Variants in NKAIN3 observed in about 807,000 individuals in gnomAD.
The protein encoded by NKAIN3 is sodium/potassium-transporting ATPase subunit beta-1-interacting protein 3.
NKAIN3 carries 25 observed loss-of-function variants against 30.2 expected under a neutral mutation model. The observed-to-expected ratio is 0.83, with a 90% CI of 0.60 to 1.16. NKAIN3 has a LOEUF of 1.16. Among genes scored for constraint, NKAIN3 ranks in the 50% most tolerant of loss-of-function variants. The probability of loss-of-function intolerance (pLI) is 0.00; values close to 1 mark genes in which losing one functional copy is unlikely to be tolerated. For synonymous variants in NKAIN3, 91 were observed against 89.6 expected (o/e 1.02, Z -0.09); for missense variants, 225 against 254.1 (o/e 0.89, Z 0.78).
At chr8:62,633,257 A>G (rs1218852400) in intron 3 of NKAIN3, among the ~76,000 whole-genome samples, 2 of 152,158 alleles carry the variant, frequency 1.3e-5, no homozygotes, top group Non-Finnish European at 2.9e-5. Context: ...GGAAAATAAA[A>G]CTAGTTTTGA....
chr8:62,788,365 G>T (rs547928245), intron 4 of NKAIN3, among the ~76,000 whole-genome samples: 3 of 151,964 alleles, frequency 2.0e-5, no homozygotes, highest in Non-Finnish European at 4.4e-5. Flanking sequence ...CATATCCTTC[G>T]CCCACTTTTT....
chr8:62,843,417 A>G (rs1819587584), intron 4 of NKAIN3, among the ~76,000 whole-genome samples: 1 of 151,600 alleles, frequency 6.6e-6, no homozygotes, highest in South Asian at 2.1e-4. Flanking sequence ...ACTCACTGCA[A>G]CCTCCACCTC....
intron 1 of NKAIN3, among the ~76,000 whole-genome samples, chr8:62,389,469 G>C (rs912729326): frequency 2.6e-5 from 4 of 152,152 alleles, no homozygotes; most frequent in African/African-American, 9.7e-5. Context: ...TCTGTGTCTG[G>C]CCATCTCAGG....
At chr8:62,650,917 T>C (rs1812602134) in intron 3 of NKAIN3, among the ~76,000 whole-genome samples, 1 of 152,186 alleles carries the variant, frequency 6.6e-6, no homozygotes, top group Admixed American at 6.5e-5. Flanking sequence ...TTATGTTGGC[T>C]GAAATAATAT....
intron 1 of NKAIN3, among the ~76,000 whole-genome samples, chr8:62,576,580 A>C (rs1488600031): frequency 1.3e-5 from 2 of 152,272 alleles, no homozygotes; most frequent in Non-Finnish European, 2.9e-5. Flanking sequence ...TGCCATATTC[A>C]GTGGTGTGCA....
At chr8:62,416,518 A>G (rs747743831) in intron 1 of NKAIN3, among the ~76,000 whole-genome samples, 2 of 152,296 alleles carry the variant, frequency 1.3e-5, no homozygotes, top group Non-Finnish European at 2.9e-5. Context: ...TGAATTTTGA[A>G]TTTTAATTTT....
At chr8:62,405,549 A>C (rs964871745) in intron 1 of NKAIN3, among the ~76,000 whole-genome samples, 1 of 152,200 alleles carries the variant, frequency 6.6e-6, no homozygotes, top group Non-Finnish European at 1.5e-5. Flanking sequence ...AGAAGCACTG[A>C]GTTCCAATTC....
At chr8:62,318,059 C>A (rs1023299850) in intron 1 of NKAIN3, among the ~76,000 whole-genome samples, 14 of 152,254 alleles carry the variant, frequency 9.2e-5, no homozygotes, top group African/African-American at 3.4e-4. Context: ...GGAATTTACT[C>A]ATGATTTGGC....
chr8:62,308,867 C>CT (rs1217457217), intron 1 of NKAIN3, among the ~76,000 whole-genome samples: 1 of 150,194 alleles, frequency 6.7e-6, no homozygotes, highest in Non-Finnish European at 1.5e-5. Context: ...GAAGGGCTGC[C>CT]TGTACAACTC....
intron 2 of NKAIN3, among the ~76,000 whole-genome samples, chr8:62,588,627 T>A (rs1311832693): frequency 6.6e-6 from 1 of 151,860 alleles, no homozygotes; most frequent in Non-Finnish European, 1.5e-5. Flanking sequence ...CTAAATTTTA[T>A]AATTCTATTG....
intron 4 of NKAIN3, among the ~76,000 whole-genome samples, chr8:62,894,142 C>CA (rs1821367686): frequency 1.3e-5 from 2 of 152,218 alleles, no homozygotes; most frequent in South Asian, 4.1e-4. Context: ...ATTTCAGTGG[C>CA]AAAAATGCTG....
chr8:62,479,604 A>C (rs781136684), intron 1 of NKAIN3, among the ~76,000 whole-genome samples: 1 of 152,146 alleles, frequency 6.6e-6, no homozygotes, highest in Non-Finnish European at 1.5e-5. Context: ...TTGGTTTCTG[A>C]GGGCAGAGGG....
At chr8:62,582,134 T>TTTCTTC in intron 2 of NKAIN3, among the ~76,000 whole-genome samples, 1 of 119,962 alleles carries the variant, frequency 8.3e-6, no homozygotes, top group African/African-American at 2.7e-5. Context: ...TTCCTTCCTT[T>TTTCTTC]CTTCCTTCCT....
At chr8:62,932,958 G>A (rs1822664903) in intron 5 of NKAIN3, among the ~76,000 whole-genome samples, 1 of 150,252 alleles carries the variant, frequency 6.7e-6, no homozygotes, top group Non-Finnish European at 1.5e-5. Flanking sequence ...AGAAATGTCT[G>A]CCCTAGAAGG....
chr8:62,320,662 C>T (rs1585676132), intron 1 of NKAIN3, among the ~76,000 whole-genome samples: 1 of 152,170 alleles, frequency 6.6e-6, no homozygotes, highest in African/African-American at 2.4e-5. Context: ...ATATTGGCCC[C>T]CACTCTCTTC....
chr8:62,794,854 C>G (rs1413012528), intron 4 of NKAIN3, among the ~76,000 whole-genome samples: 1 of 152,134 alleles, frequency 6.6e-6, no homozygotes, highest in South Asian at 2.1e-4. Flanking sequence ...AAGAGCACAG[C>G]ACTAGCTGTC....
At chr8:62,766,590 G>A (rs1816847443) in intron 4 of NKAIN3, among the ~76,000 whole-genome samples, 1 of 152,160 alleles carries the variant, frequency 6.6e-6, no homozygotes, top group East Asian at 1.9e-4. Flanking sequence ...GATCATTGAT[G>A]TAGGAGGTGA....
intron 4 of NKAIN3, among the ~76,000 whole-genome samples, chr8:62,849,995 GT>G (rs1163833251): frequency 2.0e-5 from 3 of 152,008 alleles, no homozygotes; most frequent in Non-Finnish European, 4.4e-5. Flanking sequence ...GGGTGAAATG[GT>G]TTTTCTAGTT....
chr8:62,956,859 T>C (rs1407272381), intron 6 of NKAIN3, among the ~76,000 whole-genome samples: 1 of 152,198 alleles, frequency 6.6e-6, no homozygotes, highest in African/African-American at 2.4e-5. Flanking sequence ...CAAAACAATA[T>C]TTATCCCCAA....
Sources: allele counts gnomAD v4.1 joint callset (sites outside exome capture counted in the v4.1 genomes callset), GRCh38; gene constraint gnomAD v4.1.1; transcripts MANE v1.5; gene names NCBI Gene and HGNC (gene_info 2026-07-23, HGNC 2026-07-21).